AUTS2: variants seen among roughly 807,000 people sequenced by gnomAD.
The protein encoded by AUTS2 is activator of transcription and developmental regulator AUTS2.
A neutral mutation model predicts 112.4 loss-of-function variants in AUTS2; 17 were observed. The observed-to-expected ratio is 0.15, with a 90% CI of 0.10 to 0.23. The LOEUF is 0.23. Among genes scored for constraint, AUTS2 ranks in the 10% least tolerant of loss-of-function variants. AUTS2 has a pLI of 1.00. For synonymous variants in AUTS2, 751 were observed against 702.7 expected, an observed-to-expected ratio of 1.07 and a Z score of -1.09; for missense variants, 1,510 against 1,701.6, an observed-to-expected ratio of 0.89 and a Z score of 1.98.
intron 4 of AUTS2, among the ~76,000 whole-genome samples, chr7:70,280,134 A>G (rs996578120): frequency 6.6e-6 from 1 of 152,164 alleles, no homozygotes; most frequent in Non-Finnish European, 1.5e-5. Flanking sequence ...TGCACATAAT[A>G]AGGGCTCAAT....
intron 2 of AUTS2, among the ~76,000 whole-genome samples, chr7:70,111,769 C>T (rs1805100514): frequency 6.6e-6 from 1 of 152,092 alleles, no homozygotes; most frequent in South Asian, 2.1e-4. Flanking sequence ...GTTAAATCTT[C>T]TTAAAAACTT....
intron 12 of AUTS2, 164 bp from the exon 13 acceptor site, chr7:70,775,193 T>C: frequency 1.6e-6 from 1 of 637,410 alleles, no homozygotes; most frequent in South Asian, 2.0e-5. Context: ...ACTTGGCACT[T>C]TTGATAGTGT....
chr7:70,241,485 T>A (rs951023582), intron 4 of AUTS2, among the ~76,000 whole-genome samples: 14 of 152,050 alleles, frequency 9.2e-5, no homozygotes, highest in Admixed American at 8.5e-4. Flanking sequence ...TTTTTTGAAG[T>A]TTTTTTTAAA....
At chr7:70,107,088 A>T (rs1804803869) in intron 2 of AUTS2, among the ~76,000 whole-genome samples, 1 of 152,302 alleles carries the variant, frequency 6.6e-6, no homozygotes, top group South Asian at 2.1e-4. Flanking sequence ...AAATTTTCAA[A>T]TGCCAGGATG....
At chr7:70,207,959 C>T (rs1810653630) in intron 4 of AUTS2, among the ~76,000 whole-genome samples, 1 of 131,614 alleles carries the variant, frequency 7.6e-6, no homozygotes, top group East Asian at 2.3e-4. Flanking sequence ...TGTAGGGAGT[C>T]GAGATTGCGC....
chr7:69,930,894 A>G (rs1483860606), intron 2 of AUTS2, among the ~76,000 whole-genome samples: 1 of 152,162 alleles, frequency 6.6e-6, no homozygotes, highest in African/African-American at 2.4e-5. Flanking sequence ...AATAGTTATA[A>G]GTTTTGGTGC....
In AUTS2 at chr7:70,755,237, G is replaced by A. The variant is rs190903912; in HGVS notation, c.743-7633G>A. Among the ~76,000 whole-genome samples the A allele has an allele frequency of 3.3e-3, 505 of 151,882 alleles. 3 individuals are homozygous for A. The highest frequency in any genetic ancestry group is 5.7e-3 in the Non-Finnish European group (386 of 67,982). On this transcript the variant is annotated intron_variant, in intron 6 of 18. Coordinates refer to ENST00000342771, the MANE Select transcript of AUTS2 (RefSeq NM_015570.4). ...TGCAATGGGCTATGATCACTCCAGC[G>A]TGGGCGACAGAGCAAGACCCTTTTA...
chr7:69,825,628 G>A (rs1036572030), intron 1 of AUTS2, among the ~76,000 whole-genome samples: 1 of 151,976 alleles, frequency 6.6e-6, no homozygotes, highest in African/African-American at 2.4e-5. Context: ...GCATATACTA[G>A]ATGCTCACTA....
At chr7:70,729,947 A>G (rs1232223368) in intron 6 of AUTS2, among the ~76,000 whole-genome samples, 8 of 152,032 alleles carry the variant, frequency 5.3e-5, no homozygotes, top group Non-Finnish European at 1.0e-4. Flanking sequence ...CAATGGCGCA[A>G]TCTCGGCTCA....
intron 2 of AUTS2, among the ~76,000 whole-genome samples, chr7:70,039,905 C>G (rs1314272065): frequency 3.9e-5 from 6 of 152,184 alleles, no homozygotes; most frequent in African/African-American, 1.4e-4. Flanking sequence ...GAGAAACATA[C>G]ATTCATTCAA....
At chr7:70,327,354 C>T (rs1790538127) in intron 4 of AUTS2, among the ~76,000 whole-genome samples, 1 of 152,120 alleles carries the variant, frequency 6.6e-6, no homozygotes, top group Non-Finnish European at 1.5e-5. Flanking sequence ...TAGAGTAACC[C>T]CAGGAGCAGG....
chr7:70,792,298 T>G lies in AUTS2; in HGVS notation c.*1302T>G, dbSNP rs1352185795. The G allele has an allele frequency of 3.3e-5, 5 of 152,546 alleles. No homozygotes were observed. Among genetic ancestry groups the G allele is most frequent in the African/African-American group, 1.2e-4 (5 of 41,426 alleles). 9.4% of individuals were successfully genotyped at this position (152,546 alleles called of 1,614,324 possible). On this transcript the variant is annotated 3_prime_UTR_variant, in exon 19 of 19. Transcript: ENST00000342771. ...TTTTGAGTTTGCATCAATCTTAATGTCTCTTCATAATACTTTTATAATACA... is the reference window on the plus strand; with the variant it reads ...TTTTGAGTTTGCATCAATCTTAATGGCTCTTCATAATACTTTTATAATACA...
At chr7:70,241,520 C>A (rs1005525098) in intron 4 of AUTS2, among the ~76,000 whole-genome samples, 1 of 151,924 alleles carries the variant, frequency 6.6e-6, no homozygotes, top group Admixed American at 6.6e-5. Context: ...AAATAAAAGT[C>A]TTTTTAGCTT....
intron 3 of AUTS2, among the ~76,000 whole-genome samples, chr7:70,134,296 A>G (rs367632335): frequency 6.6e-6 from 1 of 152,152 alleles, no homozygotes; most frequent in Non-Finnish European, 1.5e-5. Flanking sequence ...AATTACATCC[A>G]CCGCAGAAGC....
intron 1 of AUTS2, among the ~76,000 whole-genome samples, chr7:69,842,754 G>A (rs1474348371): frequency 1.3e-5 from 2 of 152,172 alleles, no homozygotes; most frequent in Non-Finnish European, 2.9e-5. Flanking sequence ...AAGTGTTTGA[G>A]CTTCTGGTCC....
chr7:70,584,909 G>A (rs1475459646), intron 5 of AUTS2, among the ~76,000 whole-genome samples: 1 of 152,252 alleles, frequency 6.6e-6, no homozygotes, highest in Non-Finnish European at 1.5e-5. Context: ...CCAGGAGCAT[G>A]TAGGTTCTCC....
chr7:70,740,641 T>C (rs775658042), intron 6 of AUTS2, among the ~76,000 whole-genome samples: 2 of 152,152 alleles, frequency 1.3e-5, no homozygotes, highest in Non-Finnish European at 2.9e-5. Flanking sequence ...TTAATAATTA[T>C]ATATTATTCA....
chr7:69,858,416 C>G (rs559084985), intron 1 of AUTS2, among the ~76,000 whole-genome samples: 1 of 152,276 alleles, frequency 6.6e-6, no homozygotes, highest in South Asian at 2.1e-4. Flanking sequence ...CTCACCTACC[C>G]TGGCTGCTGA....
intron 5 of AUTS2, among the ~76,000 whole-genome samples, chr7:70,608,920 ATTT>A: frequency 6.6e-6 from 1 of 152,240 alleles, no homozygotes; most frequent in African/African-American, 2.4e-5. Flanking sequence ...GCCAATGGTT[ATTT>A]TTAAAATTTA....
Sources: gnomAD v4.1 joint callset for allele counts (sites outside exome capture counted in the v4.1 genomes callset) on GRCh38, gnomAD v4.1.1 for gene constraint, MANE v1.5 for transcripts, NCBI Gene and HGNC (gene_info 2026-07-23, HGNC 2026-07-21) for gene names.